Variants in CAPN3 observed in about 807,000 individuals in gnomAD.
CAPN3 encodes calpain-3.
In CAPN3, 88 loss-of-function variants were observed where a neutral mutation model predicts 114.0. The ratio of observed to expected loss-of-function variants is 0.77; its 90% CI spans 0.65 to 0.92. The LOEUF (loss-of-function observed/expected upper bound fraction) is 0.92, where lower values mean the gene tolerates loss of function less well. Ranked by LOEUF, CAPN3 falls within the 40% of genes least tolerant of loss-of-function variation. The probability of loss-of-function intolerance (pLI) is 0.00; values close to 1 mark genes in which losing one functional copy is unlikely to be tolerated. For missense variants in CAPN3, 1,028 were observed against 1,069.0 expected (o/e 0.96, Z 0.53); for synonymous variants, 386 against 382.9 (o/e 1.01, Z -0.09).
chr15:42,391,705 C>T (rs2053560555), intron 6 of CAPN3, among the ~76,000 whole-genome samples: 1 of 152,166 alleles, frequency 6.6e-6, no homozygotes, highest in Non-Finnish European at 1.5e-5. Flanking sequence ...CCCATGGCTG[C>T]AACTTGGAAA....
Position 42,376,444 on chromosome 15 carries a change from G to A in CAPN3, c.310-8039G>A, listed in dbSNP as rs556754570. On this transcript the variant is annotated intron_variant, in intron 1 of 23. Coordinates refer to ENST00000397163, the MANE Select transcript of CAPN3 (RefSeq NM_000070.3). Reference sequence around the variant, plus strand: ...TGGATCTTGATTTTTATTTTAAGTCGTAATCCAATACTGCTTTATTTTGTT... The same window carrying A: ...TGGATCTTGATTTTTATTTTAAGTCATAATCCAATACTGCTTTATTTTGTT... Among the ~76,000 whole-genome samples the A allele has an allele frequency of 2.8e-4, 43 of 152,076 alleles. No homozygotes were observed. In the South Asian group the frequency reaches 4.8e-3, roughly 17 times the overall value.
intron 1 of CAPN3, among the ~76,000 whole-genome samples, chr15:42,363,994 C>A (rs1205778052): frequency 3.3e-5 from 5 of 152,186 alleles, no homozygotes; most frequent in Non-Finnish European, 5.9e-5. Context: ...TGGACTCCCA[C>A]CTGCCCTGCA....
intron 1 of CAPN3, among the ~76,000 whole-genome samples, chr15:42,378,978 C>G (rs1329038499): frequency 6.6e-6 from 1 of 152,074 alleles, no homozygotes; most frequent in African/African-American, 2.4e-5. Context: ...TTTCGAGTAT[C>G]ATTCCACTGT....
chr15:42,389,886 T>C, intron 5 of CAPN3, 67 bp from the exon 6 acceptor site: 2 of 1,551,810 alleles, frequency 1.3e-6, no homozygotes, highest in Admixed American at 3.4e-5. Context: ...CTCCTTCCCT[T>C]TCCACCCTTC....
chr15:42,399,588 A>G lies in CAPN3; in HGVS notation c.1290A>G (p.Thr430=), dbSNP rs757482856. The change falls in exon 10 of 24, where the codon ACA becomes ACG. Residue 430 remains threonine (T), a synonymous_variant. Coordinates refer to ENST00000397163, the MANE Select transcript of CAPN3 (RefSeq NM_000070.3). The part of the protein sequence containing the change: ...ALQSDKLQTW[T]VSVNEGRWVR... ...AGTCTGACAAGCTTCAGACCTGGAC[A>G]GTGTCTGTGAACGAGGGCCGCTGGG... 1.9e-5 allele frequency: 30 copies of G among 1,613,820 alleles called. No individual in the cohort carries two copies. Among genetic ancestry groups the G allele is most frequent in the Admixed American group, 8.3e-5 (5 of 59,998 alleles).
intron 1 of CAPN3, among the ~76,000 whole-genome samples, chr15:42,383,592 A>C (rs952265268): frequency 6.6e-6 from 1 of 152,108 alleles, no homozygotes; most frequent in Non-Finnish European, 1.5e-5. Flanking sequence ...CAGCCTGGCG[A>C]CACAGTGAGA....
Position 42,402,856 on chromosome 15 carries a change from G to A in CAPN3, c.1599G>A (p.Arg533=), listed in dbSNP as rs745805303. ...DFFLYNASKA[R]SKTYINMREV... ...TCCTGTACAACGCCTCCAAGGCCAG[G>A]AGCAAAACCTACATCAACATGCGGG... The change falls in exon 13 of 24, where the codon AGG becomes AGA. Residue 533 remains arginine, a synonymous_variant. Transcript: ENST00000397163. 3 of 1,614,082 alleles carry A rather than the reference G, an allele frequency of 1.9e-6. No homozygotes were observed. The highest frequency in any genetic ancestry group is 2.5e-6 in the Non-Finnish European group (3 of 1,180,034).
intron 7 of CAPN3, 130 bp downstream of exon 7, chr15:42,392,852 C>G: frequency 1.5e-6 from 1 of 674,906 alleles, no homozygotes. Flanking sequence ...AGTTCAAGGT[C>G]CAAGCCACGC....
chr15:42,374,831 T>A (rs1474168181), intron 1 of CAPN3, among the ~76,000 whole-genome samples: 1 of 140,812 alleles, frequency 7.1e-6, no homozygotes, highest in African/African-American at 2.6e-5. Context: ...GAGAGAGACT[T>A]GCTCTGTCAC....
intron 7 of CAPN3, among the ~76,000 whole-genome samples, chr15:42,393,446 C>A (rs879710017): frequency 6.6e-6 from 1 of 152,170 alleles, no homozygotes; most frequent in African/African-American, 2.4e-5. Context: ...CGTTGTAAGA[C>A]CTGTTGCACA....
intron 14 of CAPN3, chr15:42,404,102 T>C (rs942989375): frequency 1.4e-5 from 7 of 498,092 alleles, no homozygotes; most frequent in African/African-American, 1.2e-4. Flanking sequence ...ATTCTGAGAC[T>C]GGATAACATT....
chr15:42,360,946 G>A (rs1325278912), intron 1 of CAPN3, among the ~76,000 whole-genome samples: 1 of 152,174 alleles, frequency 6.6e-6, no homozygotes, highest in Non-Finnish European at 1.5e-5. Context: ...CAAGCAACTG[G>A]GGGGACAGCA....
intron 1 of CAPN3, among the ~76,000 whole-genome samples, chr15:42,380,048 G>A (rs1484404996): frequency 4.6e-5 from 7 of 152,072 alleles, no homozygotes; most frequent in African/African-American, 7.2e-5. Flanking sequence ...ACCGAGAGGC[G>A]GAGACTGTGC....
At chr15:42,374,467 C>A (rs1221140852) in intron 1 of CAPN3, 1 of 152,168 alleles carries the variant, frequency 6.6e-6, no homozygotes, top group Admixed American at 6.6e-5. Flanking sequence ...GGTGTTCAGG[C>A]CCTGGCCTCC....
At chr15:42,379,643 G>C (rs2053185152) in intron 1 of CAPN3, among the ~76,000 whole-genome samples, 1 of 152,096 alleles carries the variant, frequency 6.6e-6, no homozygotes, top group Admixed American at 6.5e-5. Flanking sequence ...ATTTAAGATT[G>C]TATGTCTTCT....
intron 21 of CAPN3, 35 bp downstream of exon 21, chr15:42,410,701 C>T (rs765911861): frequency 6.4e-7 from 1 of 1,571,890 alleles, no homozygotes; most frequent in South Asian, 1.1e-5. Context: ...GGATGTGGAC[C>T]CGAGACGGTG....
chr15:42,403,800 G>A (rs2053943613), intron 14 of CAPN3, 23 bp downstream of exon 14: 1 of 1,612,566 alleles, frequency 6.2e-7, no homozygotes. Flanking sequence ...GATCTTCTGT[G>A]CGAAAAGTCC....
At chr15:42,378,790 C>G (rs2053161303) in intron 1 of CAPN3, among the ~76,000 whole-genome samples, 1 of 152,032 alleles carries the variant, frequency 6.6e-6, no homozygotes, top group African/African-American at 2.4e-5. Flanking sequence ...ATAACTTTCC[C>G]TTTAAACACT....
chr15:42,367,128 G>A (rs183601829), intron 1 of CAPN3, among the ~76,000 whole-genome samples: 9 of 152,198 alleles, frequency 5.9e-5, no homozygotes, highest in East Asian at 5.8e-4. Flanking sequence ...CTCTGCACCC[G>A]GCCTCCCTCA....
Sources: gnomAD v4.1 joint callset for allele counts (sites outside exome capture counted in the v4.1 genomes callset) on GRCh38, gnomAD v4.1.1 for gene constraint, MANE v1.5 for transcripts, NCBI Gene and HGNC (gene_info 2026-07-23, HGNC 2026-07-21) for gene names.